BCL2L11: variants seen among roughly 807,000 people sequenced by gnomAD.
BCL2L11 encodes bcl-2-like protein 11.
A neutral mutation model predicts 20.6 loss-of-function variants in BCL2L11; 15 were observed. The observed-to-expected ratio is 0.73, with a 90% CI of 0.49 to 1.12. The LOEUF (loss-of-function observed/expected upper bound fraction) is 1.12. Ranked by LOEUF, BCL2L11 falls within the 50% of genes most tolerant of loss-of-function variation. The pLI is 0.00. For missense variants in BCL2L11, 292 were observed against 260.9 expected (o/e 1.12, Z -0.82); for synonymous variants, 108 against 92.8 (o/e 1.16, Z -0.94).
At chr2:111,121,624 G>C (rs971686525) in intron 1 of BCL2L11, among the ~76,000 whole-genome samples, 7 of 152,334 alleles carry the variant, frequency 4.6e-5, no homozygotes, top group South Asian at 2.1e-4. Context: ...GGTGTTTCGT[G>C]TCTTGGTTTT....
At chr2:111,152,297 TGAGA>T (rs1179518689) in intron 3 of BCL2L11, among the ~76,000 whole-genome samples, 1 of 152,196 alleles carries the variant, frequency 6.6e-6, no homozygotes, top group East Asian at 1.9e-4. Context: ...TGGGGCTGCC[TGAGA>T]GAAAGAGGTG....
At chr2:111,123,616 G>C in intron 1 of BCL2L11, 117 bp from the exon 2 acceptor site, 1 of 1,226,386 alleles carries the variant, frequency 8.2e-7, no homozygotes, top group Non-Finnish European at 1.0e-6. Flanking sequence ...GAAAAGTATA[G>C]AACAAAGTAT....
chr2:111,134,984 C>A (rs2074605398), intron 2 of BCL2L11, among the ~76,000 whole-genome samples: 1 of 152,138 alleles, frequency 6.6e-6, no homozygotes, highest in Non-Finnish European at 1.5e-5. Context: ...GTCATGGGTT[C>A]TTTGGGTTTA....
intron 3 of BCL2L11, chr2:111,162,639 C>T (rs1228874056): frequency 1.3e-5 from 2 of 152,212 alleles, no homozygotes; most frequent in Non-Finnish European, 1.5e-5. Flanking sequence ...ACCCAGCCCC[C>T]TCATTGGTGT....
intron 3 of BCL2L11, among the ~76,000 whole-genome samples, chr2:111,161,889 G>A (rs1218007234): frequency 6.6e-6 from 1 of 152,194 alleles, no homozygotes; most frequent in African/African-American, 2.4e-5. Flanking sequence ...TCAGTATCTA[G>A]ATCGCAGGGA....
intron 2 of BCL2L11, chr2:111,130,164 G>T: frequency 2.7e-6 from 1 of 367,782 alleles, no homozygotes; most frequent in South Asian, 1.9e-5. Context: ...GAGTGCACTG[G>T]TGCGATCTTG....
Position 111,123,786 on chromosome 2 carries a change from G to C in BCL2L11, c.41G>C (p.Arg14Pro). The change falls in exon 2 of 4, where the codon CGA becomes CCA. Residue 14 changes from arginine (R) to proline (P), a missense_variant. Coordinates refer to ENST00000393256, the MANE Select transcript of BCL2L11 (RefSeq NM_138621.5). ...TCTGATGTAAGTTCTGAGTGTGACCGAGAAGGTAGACAATTGCAGCCTGCG... is the reference window on the plus strand; with the variant it reads ...TCTGATGTAAGTTCTGAGTGTGACCCAGAAGGTAGACAATTGCAGCCTGCG... The part of the protein sequence containing the change: ...QPSDVSSECD[R>P]EGRQLQPAER... 1 of 1,447,304 alleles carries C rather than the reference G, an allele frequency of 6.9e-7. No homozygotes were observed. Among genetic ancestry groups the C allele is most frequent in the Non-Finnish European group, 9.1e-7 (1 of 1,095,302 alleles). 89.7% of individuals were successfully genotyped at this position (1,447,304 alleles called of 1,614,324 possible). A position where few individuals can be genotyped will look rare whatever the true frequency, so the allele number is the denominator to read the frequency against.
intron 2 of BCL2L11, among the ~76,000 whole-genome samples, chr2:111,134,306 A>G (rs2074469003): frequency 6.6e-6 from 1 of 152,008 alleles, no homozygotes; most frequent in Non-Finnish European, 1.5e-5. Flanking sequence ...ATGGTGTTTT[A>G]AAATATATTG....
intron 3 of BCL2L11, chr2:111,153,630 C>T: frequency 1.1e-6 from 1 of 893,322 alleles, no homozygotes; most frequent in Non-Finnish European, 1.7e-6. Context: ...GCGAGTGTAT[C>T]TCACTGTGCT....
At chr2:111,143,987 T>G (rs1163792785) in intron 2 of BCL2L11, among the ~76,000 whole-genome samples, 1 of 152,224 alleles carries the variant, frequency 6.6e-6, no homozygotes, top group Non-Finnish European at 1.5e-5. Context: ...CTTCACAGCC[T>G]TGGTTTACTG....
At chr2:111,141,073 C>A (rs2075721511) in intron 2 of BCL2L11, among the ~76,000 whole-genome samples, 1 of 152,190 alleles carries the variant, frequency 6.6e-6, no homozygotes, top group South Asian at 2.1e-4. Flanking sequence ...TCCCATAGGC[C>A]TATTAACAAC....
chr2:111,135,920 C>A (rs535408001), intron 2 of BCL2L11, among the ~76,000 whole-genome samples: 1 of 152,192 alleles, frequency 6.6e-6, no homozygotes, highest in Admixed American at 6.5e-5. Context: ...GCAGGGCAGC[C>A]GGATCACCTC....
At chr2:111,147,102 CA>C (rs553660090) in intron 2 of BCL2L11, among the ~76,000 whole-genome samples, 549 of 152,284 alleles carry the variant, frequency 3.6e-3, no homozygotes, top group Non-Finnish European at 6.5e-3. Context: ...CACCTAAGTA[CA>C]GTTGATAGCT....
chr2:111,134,477 A>G (rs116059661), intron 2 of BCL2L11, among the ~76,000 whole-genome samples: 2,616 of 152,264 alleles, frequency 0.017, 39 homozygotes, highest in Non-Finnish European at 0.027. Context: ...TTTTTCCAAT[A>G]TAATTGTCTG....
At chr2:111,145,088 A>G (rs1191375300) in intron 2 of BCL2L11, among the ~76,000 whole-genome samples, 2 of 152,348 alleles carry the variant, frequency 1.3e-5, no homozygotes, top group Admixed American at 6.5e-5. Context: ...GTGTTTGTAG[A>G]TATCTGAACA....
At chr2:111,148,373 G>A (rs556587113) in intron 2 of BCL2L11, among the ~76,000 whole-genome samples, 197 of 152,304 alleles carry the variant, frequency 1.3e-3, no homozygotes, top group Admixed American at 3.1e-3. Context: ...ATCAGGGAAA[G>A]AACACTTAAA....
chr2:111,154,035 A>G (rs2077540148), intron 3 of BCL2L11: 1 of 1,057,832 alleles, frequency 9.5e-7, no homozygotes, highest in Non-Finnish European at 1.2e-6. Flanking sequence ...GGATTTTGGT[A>G]ACTTCATTTG....
chr2:111,142,300 T>G (rs1330247150), intron 2 of BCL2L11: 1 of 1,549,542 alleles, frequency 6.5e-7, no homozygotes, highest in Non-Finnish European at 8.7e-7. Flanking sequence ...TACAACATTT[T>G]TATGGCTTGC....
intron 2 of BCL2L11, among the ~76,000 whole-genome samples, chr2:111,128,318 C>T (rs1395564117): frequency 6.6e-6 from 1 of 152,130 alleles, no homozygotes; most frequent in African/African-American, 2.4e-5. Context: ...GTGTATATCA[C>T]ATACTTCATT....
Sources: allele counts gnomAD v4.1 joint callset (sites outside exome capture counted in the v4.1 genomes callset), GRCh38; gene constraint gnomAD v4.1.1; transcripts MANE v1.5; gene names NCBI Gene and HGNC (gene_info 2026-07-23, HGNC 2026-07-21).